NOVA1: variants seen among roughly 807,000 people sequenced by gnomAD.
The protein encoded by NOVA1 is NOVA alternative splicing regulator 1, also known as RNA-binding protein Nova-1.
Under a neutral mutation model 38.0 loss-of-function variants are expected in NOVA1, and 7 were observed. The ratio of observed to expected loss-of-function variants is 0.18; its 90% confidence interval spans 0.10 to 0.35. NOVA1 has a LOEUF of 0.35. Among genes scored for constraint, NOVA1 ranks in the 10% least tolerant of loss-of-function variants. The probability of loss-of-function intolerance (pLI) is 1.00; values close to 1 mark genes in which losing one functional copy is unlikely to be tolerated. For missense variants in NOVA1, 460 were observed against 616.0 expected, an observed-to-expected ratio of 0.75 and a Z score of 2.68; for synonymous variants, 270 against 232.5, an observed-to-expected ratio of 1.16 and a Z score of -1.47.
At chr14:26,465,725 C>T (rs543503952) in intron 4 of NOVA1, among the ~76,000 whole-genome samples, 4 of 152,172 alleles carry the variant, frequency 2.6e-5, no homozygotes, top group South Asian at 2.1e-4. Flanking sequence ...AGCATATAGA[C>T]TTGTAAGCCT....
chr14:26,485,986 C>G (rs192606390), intron 2 of NOVA1, among the ~76,000 whole-genome samples: 93 of 152,178 alleles, frequency 6.1e-4, no homozygotes, highest in Non-Finnish European at 8.4e-4. Flanking sequence ...TTAACTCTAA[C>G]AGGCAAAAGC....
At chr14:26,548,599 A>C (rs192617647) in intron 2 of NOVA1, among the ~76,000 whole-genome samples, 4 of 152,306 alleles carry the variant, frequency 2.6e-5, no homozygotes, top group African/African-American at 7.2e-5. Context: ...CATGTTGTGT[A>C]ACAACAGACA....
In NOVA1 at chr14:26,507,273, T is replaced by TAA. The variant is rs5807367; in HGVS notation, c.281-27132_281-27131dup. On this transcript the variant is annotated intron_variant, in intron 2 of 4. Coordinates refer to ENST00000539517, the MANE Select transcript of NOVA1 (RefSeq NM_002515.3). The stretch of plus-strand genomic sequence containing the variant: ...GCAGTGTAATACATTCAACTCATTG[T>TAA]AAAAAAAAAAAATAATGTCAAAACT... Among the ~76,000 whole-genome samples the TAA allele has an allele frequency of 6.0e-4, 89 of 148,834 alleles. 1 individual carries two copies. Among genetic ancestry groups the TAA allele is most frequent in the Admixed American group, 1.7e-3 (26 of 14,928 alleles).
intron 4 of NOVA1, among the ~76,000 whole-genome samples, chr14:26,469,911 T>C (rs1174508883): frequency 6.6e-6 from 1 of 152,156 alleles, no homozygotes; most frequent in East Asian, 1.9e-4. Context: ...TTTATAAGGC[T>C]TCTCATATAG....
intron 2 of NOVA1, among the ~76,000 whole-genome samples, chr14:26,584,422 CACT>C (rs1355861347): frequency 6.6e-6 from 1 of 151,368 alleles, no homozygotes; most frequent in Non-Finnish European, 1.5e-5. Flanking sequence ...ATTACAGTAC[CACT>C]GTCAGTCATT....
intron 2 of NOVA1, among the ~76,000 whole-genome samples, chr14:26,584,198 A>C (rs1339911237): frequency 6.6e-6 from 1 of 151,048 alleles, no homozygotes; most frequent in Non-Finnish European, 1.5e-5. Flanking sequence ...CACAACTCAC[A>C]TTTCTTAACA....
intron 4 of NOVA1, among the ~76,000 whole-genome samples, chr14:26,457,509 A>C (rs1883280915): frequency 6.6e-6 from 1 of 152,092 alleles, no homozygotes; most frequent in Non-Finnish European, 1.5e-5. Flanking sequence ...TTAATGTCCT[A>C]TCACAAGGCA....
intron 2 of NOVA1, among the ~76,000 whole-genome samples, chr14:26,590,392 T>C (rs1301309674): frequency 2.6e-5 from 4 of 152,064 alleles, no homozygotes; most frequent in African/African-American, 7.2e-5. Context: ...TTTTAAAATA[T>C]AGCTCCACTG....
intron 2 of NOVA1, chr14:26,568,323 A>C (rs1399005573): frequency 6.6e-6 from 1 of 152,162 alleles, no homozygotes; most frequent in Non-Finnish European, 1.5e-5. Flanking sequence ...AACCCCATAG[A>C]GGCAGTGCTA....
At chr14:26,468,446 G>A (rs1348856155) in intron 4 of NOVA1, among the ~76,000 whole-genome samples, 1 of 152,208 alleles carries the variant, frequency 6.6e-6, no homozygotes, top group Admixed American at 6.5e-5. Context: ...CACAAGCAAA[G>A]GGCTCAGCCT....
chr14:26,591,936 T>G (rs1893872512), intron 2 of NOVA1, among the ~76,000 whole-genome samples: 2 of 151,316 alleles, frequency 1.3e-5, no homozygotes, highest in South Asian at 2.1e-4. Flanking sequence ...TTATTAAATG[T>G]GATACTAGTT....
intron 2 of NOVA1, among the ~76,000 whole-genome samples, chr14:26,543,043 G>A (rs1163305373): frequency 6.6e-6 from 1 of 151,888 alleles, no homozygotes; most frequent in Non-Finnish European, 1.5e-5. Flanking sequence ...AGTGGAATTG[G>A]AATTCTCCTA....
chr14:26,520,064 T>C (rs1022241277), intron 2 of NOVA1, among the ~76,000 whole-genome samples: 16 of 152,334 alleles, frequency 1.1e-4, no homozygotes, highest in Admixed American at 1.3e-4. Context: ...AACTTCTGGT[T>C]ACATTTAAAA....
At chr14:26,531,560 T>C (rs947572863) in intron 2 of NOVA1, among the ~76,000 whole-genome samples, 1 of 152,080 alleles carries the variant, frequency 6.6e-6, no homozygotes, top group African/African-American at 2.4e-5. Context: ...TGAGCCGAGA[T>C]CGCGCCATTG....
At chr14:26,545,646 G>A (rs911891956) in intron 2 of NOVA1, among the ~76,000 whole-genome samples, 8 of 152,078 alleles carry the variant, frequency 5.3e-5, no homozygotes, top group African/African-American at 7.2e-5. Flanking sequence ...TTTCACATAT[G>A]TTTTATTGTT....
At chr14:26,572,725 A>AGTGTGTGTGT (rs56021646) in intron 2 of NOVA1, among the ~76,000 whole-genome samples, 15,271 of 138,350 alleles carry the variant, frequency 0.11, 1,091 homozygotes, top group Non-Finnish European at 0.15. Flanking sequence ...AAGGAACCGC[A>AGTGTGTGTGT]GTGTGTGTGT....
At chr14:26,552,699 ATAAC>A (rs1463430962) in intron 2 of NOVA1, among the ~76,000 whole-genome samples, 1 of 152,174 alleles carries the variant, frequency 6.6e-6, no homozygotes, top group Non-Finnish European at 1.5e-5. Context: ...TGTAAGTGAT[ATAAC>A]TAACTATTAA....
chr14:26,557,409 C>T (rs1392461446), intron 2 of NOVA1, among the ~76,000 whole-genome samples: 1 of 152,128 alleles, frequency 6.6e-6, no homozygotes, highest in Non-Finnish European at 1.5e-5. Flanking sequence ...CTCCTTGTTG[C>T]CCAGGCTTGA....
intron 3 of NOVA1, among the ~76,000 whole-genome samples, chr14:26,473,868 T>TA (rs1332186841): frequency 6.6e-6 from 1 of 152,000 alleles, no homozygotes; most frequent in Non-Finnish European, 1.5e-5. Flanking sequence ...CTCAAAATTC[T>TA]AAAAAAGTTT....
Sources: allele counts gnomAD v4.1 joint callset (sites outside exome capture counted in the v4.1 genomes callset), GRCh38; gene constraint gnomAD v4.1.1; transcripts MANE v1.5; gene names NCBI Gene and HGNC (gene_info 2026-07-23, HGNC 2026-07-21).